The following ADSS2 variants were observed in gnomAD, a reference collection of about 807,000 sequenced individuals.
ADSS2 encodes adenylosuccinate synthetase isozyme 2.
Under a neutral mutation model 60.0 loss-of-function variants are expected in ADSS2, and 30 were observed. The ratio of observed to expected loss-of-function variants is 0.50; its 90% CI spans 0.37 to 0.68. The LOEUF is 0.68. ADSS2 is among the 30% of genes least tolerant of loss of function. ADSS2 has a pLI of 0.00. For synonymous variants in ADSS2, 187 were observed against 193.1 expected, an observed-to-expected ratio of 0.97 and a Z score of 0.26; for missense variants, 373 against 554.8, an observed-to-expected ratio of 0.67 and a Z score of 3.29.
intron 6 of ADSS2, 95 bp from the exon 7 acceptor site, chr1:244,423,011 A>G: frequency 1.3e-6 from 1 of 765,450 alleles, no homozygotes; most frequent in Non-Finnish European, 2.0e-6. Flanking sequence ...ATGGTAAATG[A>G]TCTTAACAGC....
chr1:244,422,126 C>T (rs1020325622), intron 7 of ADSS2, among the ~76,000 whole-genome samples: 1 of 152,102 alleles, frequency 6.6e-6, no homozygotes, highest in African/African-American at 2.4e-5. Context: ...AGTGGATGGG[C>T]AGACCTAAGG....
intron 1 of ADSS2, among the ~76,000 whole-genome samples, chr1:244,440,889 A>G (rs1665223595): frequency 6.6e-6 from 1 of 152,194 alleles, no homozygotes; most frequent in Non-Finnish European, 1.5e-5. Flanking sequence ...TACTGGTCCC[A>G]TAATGAGAGG....
At chr1:244,411,203 A>G in intron 12 of ADSS2, 84 bp downstream of exon 12, 3 of 1,375,516 alleles carry the variant, frequency 2.2e-6, no homozygotes, top group Non-Finnish European at 2.9e-6. Context: ...CCTGGGACAG[A>G]GCGAGACTCC....
In ADSS2 at chr1:244,411,374, C is replaced by G. The variant is rs746272069; in HGVS notation, c.1231G>C (p.Asp411His). 6.2e-7 allele frequency: 1 copy of G among 1,613,864 alleles called. No individual in the cohort carries two copies. The highest frequency in any genetic ancestry group is 8.5e-7 in the Non-Finnish European group (1 of 1,179,864). Residue 411 changes from aspartate to histidine, a missense_variant, in exon 12 of 13, where the codon GAC becomes CAC. Asp to His is a moderately conservative substitution (Grantham distance 81, BLOSUM62 -1). This residue lies in a region of ADSS2 where 130 missense variants were observed against 169.4 expected (regional missense o/e 0.77). Coordinates refer to ENST00000366535, the MANE Select transcript of ADSS2 (RefSeq NM_001126.5). ...TTAAACGCCCTTGCATTTGATATGT[C>G]TGTGTTCCATCCTGGGAGAGTCTTA... The part of the protein sequence containing the change: ...QYKTLPGWNT[D>H]ISNARAFKEL...
At chr1:244,412,357 G>C (rs957185461) in intron 11 of ADSS2, among the ~76,000 whole-genome samples, 10 of 152,146 alleles carry the variant, frequency 6.6e-5, no homozygotes, top group African/African-American at 2.4e-4. Context: ...CTGTTTCCTA[G>C]GGAACTCAAT....
chr1:244,451,812 C>T lies in ADSS2; in HGVS notation c.6G>A (p.Ala2=), dbSNP rs1391511346. Residue 2 remains alanine (A), a synonymous_variant, in exon 1 of 13, where the codon GCG becomes GCA. Transcript: ENST00000366535. The surrounding 1 kb of genome is among the most constrained non-coding windows in gnomAD (Gnocchi z 6.6). M[A]FAETYPAASS... ...ATGCCGCCGGGTAGGTCTCGGCGAA[C>T]GCCATGGCTCCAGTGACGCGAGGAG... 6 of 1,586,180 alleles carry T rather than the reference C, an allele frequency of 3.8e-6. No individual in the cohort carries two copies. The African/African-American group carries it at 6.7e-5, about 18-fold the overall frequency.
chr1:244,449,017 T>G (rs1044468284), intron 1 of ADSS2, among the ~76,000 whole-genome samples: 2 of 152,176 alleles, frequency 1.3e-5, no homozygotes, highest in Non-Finnish European at 2.9e-5. Context: ...AATATTGATT[T>G]AAAATTAAGG....
chr1:244,416,780 T>C (rs1363273022), intron 10 of ADSS2, among the ~76,000 whole-genome samples: 1 of 152,160 alleles, frequency 6.6e-6, no homozygotes, highest in Non-Finnish European at 1.5e-5. Flanking sequence ...CCCTCAATTC[T>C]TCACTCTGGT....
Position 244,439,784 on chromosome 1 carries a change from C to CT in ADSS2, c.184-2017dup, listed in dbSNP as rs145553297. Among the ~76,000 whole-genome samples the CT allele has an allele frequency of 8.0e-3, 1,223 of 152,340 alleles. 16 individuals are homozygous for CT. Among genetic ancestry groups the CT allele is most frequent in the African/African-American group, 0.028 (1,171 of 41,568 alleles). ...CAAATTTATTTAGGACCCCAGAGCA[C>CT]TTTAGCCTGTGCTGGCTAGGCTTGC... On this transcript the variant is annotated intron_variant, in intron 1 of 12. Transcript: ENST00000366535.
At chr1:244,426,965 C>T (rs1318530891) in intron 4 of ADSS2, among the ~76,000 whole-genome samples, 1 of 152,114 alleles carries the variant, frequency 6.6e-6, no homozygotes, top group Admixed American at 6.6e-5. Context: ...CTGCTGAATC[C>T]TTAGTGCTCA....
chr1:244,420,316 C>T lies in ADSS2; in HGVS notation c.664-20G>A. ...ATAACCCTATACACAAAGACAAAAA[C>T]CAATTTCCATGTATACTAATAAACG... On this transcript the variant is annotated intron_variant, in intron 7 of 12. Coordinates refer to ENST00000366535, the MANE Select transcript of ADSS2 (RefSeq NM_001126.5). The T allele has an allele frequency of 6.3e-7, 1 of 1,588,090 alleles. No homozygotes were observed. The highest frequency in any genetic ancestry group is 8.6e-7 in the Non-Finnish European group (1 of 1,165,550).
chr1:244,419,086 T>A (rs1221508661), intron 8 of ADSS2, 172 bp from the exon 9 acceptor site: 2 of 656,754 alleles, frequency 3.0e-6, no homozygotes, highest in East Asian at 6.1e-5. Context: ...TTAGCTGTAA[T>A]GACATAAAAA....
intron 1 of ADSS2, among the ~76,000 whole-genome samples, chr1:244,441,924 C>G (rs1409345557): frequency 6.6e-6 from 1 of 152,104 alleles, no homozygotes; most frequent in Non-Finnish European, 1.5e-5. Flanking sequence ...CCACTGCACT[C>G]CAGCCTGGGC....
intron 12 of ADSS2, 150 bp from the exon 13 acceptor site, chr1:244,409,788 T>G (rs1664371272): frequency 1.6e-6 from 1 of 636,430 alleles, no homozygotes; most frequent in Admixed American, 2.9e-5. Flanking sequence ...GTTAGCAGAC[T>G]GTGCCGATTT....
At chr1:244,426,250 A>C (rs942669705) in intron 4 of ADSS2, among the ~76,000 whole-genome samples, 2 of 152,184 alleles carry the variant, frequency 1.3e-5, no homozygotes, top group Admixed American at 6.6e-5. Flanking sequence ...ATTTGAATGT[A>C]AATGTTTTGT....
chr1:244,433,606 C>T (rs1665006108), intron 3 of ADSS2, among the ~76,000 whole-genome samples: 1 of 152,056 alleles, frequency 6.6e-6, no homozygotes. Flanking sequence ...GCCTGTAATC[C>T]CAGCACTTTG....
intron 4 of ADSS2, among the ~76,000 whole-genome samples, chr1:244,426,616 ATAGTT>A (rs1371295990): frequency 6.6e-6 from 1 of 152,140 alleles, no homozygotes; most frequent in Middle Eastern, 3.2e-3. Context: ...ATTTACTATT[ATAGTT>A]AAGTTTTATT....
chr1:244,447,534 A>C (rs1233836948), intron 1 of ADSS2, among the ~76,000 whole-genome samples: 1 of 152,198 alleles, frequency 6.6e-6, no homozygotes, highest in Non-Finnish European at 1.5e-5. Flanking sequence ...TACTGTCCTC[A>C]GCGGGGAATA....
chr1:244,421,383 G>A (rs545999118), intron 7 of ADSS2, among the ~76,000 whole-genome samples: 47 of 152,240 alleles, frequency 3.1e-4, no homozygotes, highest in African/African-American at 1.0e-3. Flanking sequence ...ACCCACCTGA[G>A]TGTGTTAATA....
Sources: allele counts gnomAD v4.1 joint callset (sites outside exome capture counted in the v4.1 genomes callset), GRCh38; gene constraint gnomAD v4.1.1; regional missense constraint gnomAD v4.1.1; non-coding constraint Gnocchi (gnomAD v3.1); transcripts MANE v1.5; gene names NCBI Gene and HGNC (gene_info 2026-07-23, HGNC 2026-07-21).